FRMD6: variants seen among roughly 807,000 people sequenced by gnomAD.
FRMD6 encodes FERM domain-containing protein 6.
Under a neutral mutation model 73.2 loss-of-function variants are expected in FRMD6, and 37 were observed. The ratio of observed to expected loss-of-function variants is 0.51; its 90% confidence interval spans 0.39 to 0.66. The LOEUF (loss-of-function observed/expected upper bound fraction) is 0.66. Ranked by LOEUF, FRMD6 falls within the 30% of genes least tolerant of loss-of-function variation. The pLI is 0.00. For missense variants in FRMD6, 714 were observed against 780.5 expected (o/e 0.91, Z 1.02); for synonymous variants, 273 against 282.2 (o/e 0.97, Z 0.33).
intron 2 of FRMD6, among the ~76,000 whole-genome samples, chr14:51,586,778 C>G (rs1889076044): frequency 6.6e-6 from 1 of 151,914 alleles, no homozygotes; most frequent in Non-Finnish European, 1.5e-5. Context: ...GCATCTTGCT[C>G]TGTTACCCAG....
chr14:51,509,916 G>T (rs191411812), intron 1 of FRMD6, among the ~76,000 whole-genome samples: 3 of 152,186 alleles, frequency 2.0e-5, no homozygotes, highest in Admixed American at 2.0e-4. Flanking sequence ...ATTAGCCACT[G>T]CCCTGCGCGT....
chr14:51,401,646 G>C, the FRMD6 span, among the ~76,000 whole-genome samples: 1 of 152,154 alleles, frequency 6.6e-6, no homozygotes, highest in African/African-American at 2.4e-5. Flanking sequence ...CCATTGTTTG[G>C]AACTTCCCCG....
the FRMD6 span, among the ~76,000 whole-genome samples, chr14:51,434,776 A>T: frequency 6.6e-6 from 1 of 152,158 alleles, no homozygotes; most frequent in Admixed American, 6.5e-5. Flanking sequence ...TTTTTGGTAG[A>T]AAAACCTGGC....
chr14:51,723,120 C>T lies in FRMD6; in HGVS notation c.1492+1040C>T, dbSNP rs560073289. ...GACTCATTAGGCTGCTTACCCTAAACATGCTTAGAGTTCATATACCAAACT... is the reference window on the plus strand; with the variant it reads ...GACTCATTAGGCTGCTTACCCTAAATATGCTTAGAGTTCATATACCAAACT... On this transcript the variant is annotated intron_variant, in intron 12 of 13. Coordinates refer to ENST00000344768, the MANE Select transcript of FRMD6 (RefSeq NM_001267046.2). Among the ~76,000 whole-genome samples the T allele has an allele frequency of 2.0e-5, 3 of 152,340 alleles. No homozygotes were observed. The South Asian group carries it at 6.2e-4, about 32-fold the overall frequency.
At chr14:51,467,301 C>T in the FRMD6 span, among the ~76,000 whole-genome samples, 1 of 152,258 alleles carries the variant, frequency 6.6e-6, no homozygotes, top group South Asian at 2.1e-4. Context: ...CATAGATTAA[C>T]AGCATCCCAA....
chr14:51,468,433 AGT>A, the FRMD6 span, among the ~76,000 whole-genome samples: 2 of 152,148 alleles, frequency 1.3e-5, no homozygotes, highest in Admixed American at 6.5e-5. Context: ...TAAAAATGTA[AGT>A]GTTGTATTTG....
At chr14:51,542,107 T>C (rs560788273) in intron 1 of FRMD6, among the ~76,000 whole-genome samples, 2 of 152,056 alleles carry the variant, frequency 1.3e-5, no homozygotes, top group Non-Finnish European at 2.9e-5. Context: ...CTCTGGAAGC[T>C]GAACTTTGAA....
intron 1 of FRMD6, among the ~76,000 whole-genome samples, chr14:51,689,181 C>T (rs1895376967): frequency 6.6e-6 from 1 of 152,140 alleles, no homozygotes; most frequent in South Asian, 2.1e-4. Flanking sequence ...AAGTGATGGC[C>T]TAGAGATCAT....
At chr14:51,504,504 C>T (rs555786689) in intron 1 of FRMD6, among the ~76,000 whole-genome samples, 1 of 152,226 alleles carries the variant, frequency 6.6e-6, no homozygotes, top group African/African-American at 2.4e-5. Flanking sequence ...CAAGGGACAG[C>T]TCTCAGCTTC....
At chr14:51,644,395 A>ACTCTCTCT in intron 2 of FRMD6, among the ~76,000 whole-genome samples, 1 of 146,320 alleles carries the variant, frequency 6.8e-6, no homozygotes, top group East Asian at 2.1e-4. Context: ...ACACTCACTC[A>ACTCTCTCT]CTCTCTCTCT....
At chr14:51,551,189 G>A (rs1886807824) in intron 1 of FRMD6, among the ~76,000 whole-genome samples, 1 of 152,108 alleles carries the variant, frequency 6.6e-6, no homozygotes, top group African/African-American at 2.4e-5. Flanking sequence ...ATTTGCCACT[G>A]GAAACTGACT....
the FRMD6 span, among the ~76,000 whole-genome samples, chr14:51,437,857 A>C: frequency 6.6e-6 from 1 of 152,150 alleles, no homozygotes; most frequent in African/African-American, 2.4e-5. Flanking sequence ...AACACCACTG[A>C]ACTCTGTGGG....
upstream of FRMD6, among the ~76,000 whole-genome samples, chr14:51,647,244 A>G (rs1001772310): frequency 3.9e-5 from 6 of 152,172 alleles, no homozygotes; most frequent in African/African-American, 1.4e-4. Flanking sequence ...AAATTGGGTA[A>G]AAGTAAATCT....
chr14:51,507,371 G>A (rs1262249026), intron 1 of FRMD6, among the ~76,000 whole-genome samples: 1 of 151,746 alleles, frequency 6.6e-6, no homozygotes, highest in Non-Finnish European at 1.5e-5. Context: ...AGCAACATGT[G>A]CTTCCAGATC....
intron 7 of FRMD6, among the ~76,000 whole-genome samples, chr14:51,708,636 C>T (rs1233883674): frequency 1.3e-5 from 2 of 152,060 alleles, no homozygotes; most frequent in Non-Finnish European, 2.9e-5. Flanking sequence ...TTGTATCCGT[C>T]AGTTACAAGA....
the FRMD6 span, among the ~76,000 whole-genome samples, chr14:51,457,928 G>C: frequency 6.6e-6 from 1 of 152,166 alleles, no homozygotes; most frequent in Non-Finnish European, 1.5e-5. Flanking sequence ...TTAATATTTA[G>C]TGAATCCTGG....
chr14:51,720,471 G>A, intron 11 of FRMD6, 81 bp downstream of exon 11: 1 of 1,310,388 alleles, frequency 7.6e-7, no homozygotes, highest in Non-Finnish European at 1.1e-6. Flanking sequence ...CTGGTGTCTG[G>A]AGAGCAACTT....
At chr14:51,401,970 G>GA in the FRMD6 span, among the ~76,000 whole-genome samples, 222 of 152,290 alleles carry the variant, frequency 1.5e-3, 1 homozygote, top group African/African-American at 5.2e-3. Context: ...ACAAGAGCTG[G>GA]ACAAACAGCC....
chr14:51,692,495 T>TGTAC (rs10693094), intron 2 of FRMD6, among the ~76,000 whole-genome samples: 1 of 149,584 alleles, frequency 6.7e-6, no homozygotes, highest in African/African-American at 2.4e-5. Flanking sequence ...TGTGTGTGTG[T>TGTAC]ACACACACAA....
Sources: gnomAD v4.1 joint callset for allele counts (sites outside exome capture counted in the v4.1 genomes callset) on GRCh38, gnomAD v4.1.1 for gene constraint, MANE v1.5 for transcripts, NCBI Gene and HGNC (gene_info 2026-07-23, HGNC 2026-07-21) for gene names.